Variants in TG observed in about 807,000 individuals in gnomAD.
TG encodes thyroglobulin, also known as thyroid hormones.
Under a neutral mutation model 324.7 loss-of-function variants are expected in TG, and 270 were observed. The ratio of observed to expected loss-of-function variants is 0.83; its 90% CI spans 0.75 to 0.92. The LOEUF is 0.92. Ranked by LOEUF, TG falls within the 40% of genes least tolerant of loss-of-function variation. The probability of loss-of-function intolerance (pLI) is 0.00; values close to 1 mark genes in which losing one functional copy is unlikely to be tolerated. For missense variants in TG, 3,591 were observed against 3,456.4 expected (o/e 1.04, Z -0.98); for synonymous variants, 1,401 against 1,327.0 (o/e 1.06, Z -1.21).
chr8:133,111,561 T>C (rs1239042037), intron 43 of TG, among the ~76,000 whole-genome samples: 2 of 152,098 alleles, frequency 1.3e-5, no homozygotes, highest in African/African-American at 4.8e-5. Context: ...AGATTGTAGG[T>C]GAGTATTTTT....
chr8:132,970,747 G>T (rs1318500658), intron 32 of TG, among the ~76,000 whole-genome samples: 2 of 152,178 alleles, frequency 1.3e-5, no homozygotes. Flanking sequence ...GGAGTAGATT[G>T]TGCGTCTGGA....
intron 5 of TG, 84 bp from the exon 6 acceptor site, chr8:132,881,779 G>T: frequency 1.1e-6 from 1 of 918,936 alleles, no homozygotes; most frequent in Non-Finnish European, 1.8e-6. Flanking sequence ...ACTAGGCGTG[G>T]ACTTGGCCAC....
chr8:133,116,080 C>A (rs563566807), intron 44 of TG, among the ~76,000 whole-genome samples: 4 of 152,086 alleles, frequency 2.6e-5, no homozygotes, highest in South Asian at 4.1e-4. Context: ...CCAAAGGGTT[C>A]TCTAGGGGAG....
At position 133,011,909 on chromosome 8, in the gene TG, G is replaced by T; in HGVS notation, c.6271G>T (p.Asp2091Tyr). The change falls in exon 36 of 48, where the codon GAC becomes TAC. Residue 2091 changes from aspartate (D) to tyrosine (Y), a missense_variant. Transcript: ENST00000220616. ...LPSLTEKVSL[D>Y]SWQSLALSSV... ...GTTGCCTTCTCTCCTAGTGTCTCTG[G>T]ACTCGTGGCAGTCCCTGGCCCTCTC... 6.2e-7 allele frequency: 1 copy of T among 1,614,170 alleles called. No homozygotes were observed. Among genetic ancestry groups the T allele is most frequent in the East Asian group, 2.2e-5 (1 of 44,876 alleles).
At chr8:133,077,868 C>G (rs931144421) in intron 41 of TG, among the ~76,000 whole-genome samples, 1 of 151,934 alleles carries the variant, frequency 6.6e-6, no homozygotes, top group Non-Finnish European at 1.5e-5. Context: ...AGGAGCCCCC[C>G]GCACCCCTCC....
chr8:132,975,182 C>T (rs1830038256), intron 34 of TG, among the ~76,000 whole-genome samples: 1 of 152,198 alleles, frequency 6.6e-6, no homozygotes, highest in Non-Finnish European at 1.5e-5. Flanking sequence ...TGGGAGACTT[C>T]AGAACTGAGC....
At chr8:132,921,849 C>T (rs1821155730) in intron 21 of TG, among the ~76,000 whole-genome samples, 2 of 152,124 alleles carry the variant, frequency 1.3e-5, no homozygotes, top group South Asian at 4.2e-4. Context: ...GCCTTTGTAA[C>T]CTCCCACAAA....
intron 5 of TG, among the ~76,000 whole-genome samples, chr8:132,878,256 G>T (rs188908452): frequency 6.9e-4 from 105 of 152,180 alleles, no homozygotes; most frequent in South Asian, 1.7e-3. Context: ...ATGCCACAGG[G>T]GACCATCTGA....
At chr8:133,105,844 AGGAGAT>A (rs1849756683) in intron 43 of TG, among the ~76,000 whole-genome samples, 1 of 151,812 alleles carries the variant, frequency 6.6e-6, no homozygotes. Flanking sequence ...GACTGGGAGG[AGGAGAT>A]GGAGAGGTGG....
At chr8:133,082,351 G>A (rs1845881205) in intron 41 of TG, among the ~76,000 whole-genome samples, 1 of 152,240 alleles carries the variant, frequency 6.6e-6, no homozygotes, top group East Asian at 1.9e-4. Flanking sequence ...TGGAAAGACG[G>A]AGGAAAAGAA....
chr8:133,007,134 A>G (rs1834081145), intron 35 of TG, among the ~76,000 whole-genome samples: 1 of 152,192 alleles, frequency 6.6e-6, no homozygotes, highest in African/African-American at 2.4e-5. Context: ...AAGCAGGCAG[A>G]GTTCAAAAGA....
intron 43 of TG, among the ~76,000 whole-genome samples, chr8:133,111,830 TC>T (rs764696847): frequency 6.6e-6 from 1 of 152,246 alleles, no homozygotes; most frequent in Non-Finnish European, 1.5e-5. Context: ...CAGACTTTTT[TC>T]CCCAATAATC....
At chr8:132,972,503 A>C in intron 33 of TG, 95 bp from the exon 34 acceptor site, 5 of 1,427,030 alleles carry the variant, frequency 3.5e-6, no homozygotes, top group Non-Finnish European at 3.9e-6. Context: ...TGTCTGCTGA[A>C]CAATGTACTT....
At chr8:133,093,191 C>G (rs536920180) in intron 41 of TG, among the ~76,000 whole-genome samples, 1 of 149,072 alleles carries the variant, frequency 6.7e-6, no homozygotes, top group Non-Finnish European at 1.5e-5. Flanking sequence ...AAAAGCTGCC[C>G]TGCTCATTGT....
At chr8:132,965,353 C>G (rs537903313) in intron 29 of TG, among the ~76,000 whole-genome samples, 4 of 152,172 alleles carry the variant, frequency 2.6e-5, no homozygotes, top group Non-Finnish European at 5.9e-5. Context: ...GTGGTTCTTT[C>G]TAGTGAAGAA....
intron 22 of TG, among the ~76,000 whole-genome samples, chr8:132,925,578 A>G (rs1251733620): frequency 2.0e-5 from 3 of 149,586 alleles, no homozygotes; most frequent in Admixed American, 1.3e-4. Context: ...AAATCCAATG[A>G]AAGTCTTATT....
intron 41 of TG, chr8:133,038,226 T>G: frequency 2.5e-6 from 1 of 402,764 alleles, no homozygotes. Flanking sequence ...GAGAGTGGCT[T>G]TGTCCTTCCC....
chr8:133,090,441 C>T (rs542886908), intron 41 of TG, among the ~76,000 whole-genome samples: 69 of 152,320 alleles, frequency 4.5e-4, no homozygotes, highest in African/African-American at 1.6e-3. Flanking sequence ...CAAAAAAGCA[C>T]CTTGGCCCGT....
intron 34 of TG, among the ~76,000 whole-genome samples, chr8:132,982,738 G>A (rs1831036972): frequency 3.3e-5 from 5 of 152,178 alleles, no homozygotes; most frequent in Admixed American, 3.3e-4. Flanking sequence ...CTCTAGGTGG[G>A]TAGTACTAAA....
Sources: allele counts gnomAD v4.1 joint callset (sites outside exome capture counted in the v4.1 genomes callset), GRCh38; gene constraint gnomAD v4.1.1; transcripts MANE v1.5; gene names NCBI Gene and HGNC (gene_info 2026-07-23, HGNC 2026-07-21).